The following CTNNA3 variants were observed in gnomAD, a reference collection of about 807,000 sequenced individuals.
CTNNA3 encodes catenin alpha 3, also known as catenin alpha-3.
A neutral mutation model predicts 95.7 loss-of-function variants in CTNNA3; 76 were observed. The ratio of observed to expected loss-of-function variants is 0.79; its 90% CI spans 0.66 to 0.96. CTNNA3 has a LOEUF of 0.96. Among genes scored for constraint, CTNNA3 ranks in the 40% least tolerant of loss-of-function variants. The pLI is 0.00. For missense variants in CTNNA3, 1,191 were observed against 1,089.8 expected, an observed-to-expected ratio of 1.09 and a Z score of -1.31; for synonymous variants, 431 against 374.4, an observed-to-expected ratio of 1.15 and a Z score of -1.74.
chr10:67,060,975 A>T (rs1040995677), intron 7 of CTNNA3, among the ~76,000 whole-genome samples: 2 of 152,302 alleles, frequency 1.3e-5, no homozygotes, highest in African/African-American at 4.8e-5. Flanking sequence ...AGGCATCCAG[A>T]AGTGACCTGT....
rs114775216 is a variant in CTNNA3 at position 66,407,947 on chromosome 10, C to T, written c.1532-28595G>A. ...TCTGTTCTAACGCATAAATTATAGT[C>T]CTTCCTGGTATCAATGCAGAGTTTG... is the stretch of plus-strand genomic sequence containing the variant. On this transcript the variant is annotated intron_variant, in intron 11 of 17. Coordinates refer to ENST00000433211, the MANE Select transcript of CTNNA3 (RefSeq NM_013266.4). 4.9e-3 allele frequency among the ~76,000 whole-genome samples: 753 copies of T among 152,268 alleles called. 5 individuals are homozygous for T. The highest frequency in any genetic ancestry group is 0.017 in the African/African-American group (716 of 41,556).
chr10:67,682,602 G>C (rs1352511745), intron 1 of CTNNA3, among the ~76,000 whole-genome samples: 1 of 152,120 alleles, frequency 6.6e-6, no homozygotes, highest in Non-Finnish European at 1.5e-5. Context: ...ACTTCTTGAA[G>C]AGAAATATGA....
chr10:67,059,127 G>T (rs1855610117), intron 7 of CTNNA3, among the ~76,000 whole-genome samples: 1 of 151,998 alleles, frequency 6.6e-6, no homozygotes, highest in Non-Finnish European at 1.5e-5. Flanking sequence ...AATTATCTTG[G>T]TCTCCATGCA....
intron 5 of CTNNA3, among the ~76,000 whole-genome samples, chr10:67,361,166 C>A (rs751850631): frequency 1.4e-4 from 21 of 152,052 alleles, no homozygotes; most frequent in Non-Finnish European, 2.6e-4. Flanking sequence ...CTTAGATAGT[C>A]ACATAATAGA....
chr10:67,604,214 T>TAA (rs1303368182), intron 3 of CTNNA3, among the ~76,000 whole-genome samples: 1 of 152,144 alleles, frequency 6.6e-6, no homozygotes, highest in African/African-American at 2.4e-5. Flanking sequence ...TCCCCATTGT[T>TAA]AAGTAAGGTA....
chr10:67,645,421 T>C (rs1839675057), intron 2 of CTNNA3, among the ~76,000 whole-genome samples: 1 of 152,184 alleles, frequency 6.6e-6, no homozygotes. Flanking sequence ...TAATGTTCCA[T>C]TGTTATAGAG....
At chr10:65,956,489 AT>A (rs1425097075) in intron 17 of CTNNA3, among the ~76,000 whole-genome samples, 1 of 152,058 alleles carries the variant, frequency 6.6e-6, no homozygotes, top group Non-Finnish European at 1.5e-5. Flanking sequence ...TAGGGTGTCA[AT>A]TTTAGATCTT....
chr10:66,240,942 A>G (rs10996997), intron 13 of CTNNA3, among the ~76,000 whole-genome samples: 32,218 of 152,044 alleles, frequency 0.21, 3,599 homozygotes, highest in South Asian at 0.29. Flanking sequence ...GGAGAAAATA[A>G]CAAGTTTTTA....
chr10:65,945,201 A>G (rs1176473458), intron 17 of CTNNA3, among the ~76,000 whole-genome samples: 1 of 152,042 alleles, frequency 6.6e-6, no homozygotes, highest in Non-Finnish European at 1.5e-5. Flanking sequence ...AGACATGAGC[A>G]TAAAAGTTAC....
chr10:66,196,675 T>A (rs2086977940), intron 13 of CTNNA3, among the ~76,000 whole-genome samples: 1 of 152,136 alleles, frequency 6.6e-6, no homozygotes, highest in Admixed American at 6.6e-5. Context: ...ACACTTTACA[T>A]GAGTAAAGTA....
chr10:65,924,655 C>G (rs2077139068), intron 17 of CTNNA3, among the ~76,000 whole-genome samples: 1 of 152,170 alleles, frequency 6.6e-6, no homozygotes. Flanking sequence ...ATCCATTTCC[C>G]TAACACTGAG....
intron 10 of CTNNA3, among the ~76,000 whole-genome samples, chr10:66,588,943 A>C (rs79448169): frequency 1.3e-5 from 1 of 75,148 alleles, no homozygotes; most frequent in South Asian, 4.1e-4. Flanking sequence ...ACATCAGTTA[A>C]AGTGCCTTTG....
chr10:66,762,675 G>GC (rs1839648488), intron 9 of CTNNA3, among the ~76,000 whole-genome samples: 1 of 151,564 alleles, frequency 6.6e-6, no homozygotes, highest in South Asian at 2.1e-4. Context: ...TTGTTTTTTT[G>GC]AATTCCCCAG....
chr10:66,909,243 G>T (rs1415732715), intron 7 of CTNNA3, among the ~76,000 whole-genome samples: 1 of 152,046 alleles, frequency 6.6e-6, no homozygotes, highest in Non-Finnish European at 1.5e-5. Flanking sequence ...AGCCGGGCGC[G>T]GTGGCTCATT....
chr10:67,539,751 A>G (rs1263723102), intron 3 of CTNNA3, 82 bp from the exon 4 acceptor site: 2 of 1,255,132 alleles, frequency 1.6e-6, no homozygotes, highest in East Asian at 4.7e-5. Flanking sequence ...CCTAATTCCA[A>G]GTAAATTCCA....
chr10:66,883,690 TG>T (rs1412202686), intron 7 of CTNNA3, among the ~76,000 whole-genome samples: 9 of 152,160 alleles, frequency 5.9e-5, no homozygotes, highest in African/African-American at 2.2e-4. Flanking sequence ...GGATATAAAA[TG>T]GCTGCCTGCT....
chr10:66,688,505 G>A (rs1847383948), intron 9 of CTNNA3, among the ~76,000 whole-genome samples: 2 of 152,066 alleles, frequency 1.3e-5, no homozygotes, highest in Non-Finnish European at 1.5e-5. Flanking sequence ...GTCAAAGAAC[G>A]AATGATGTCA....
At chr10:67,100,608 G>A (rs1040825894) in intron 7 of CTNNA3, among the ~76,000 whole-genome samples, 1 of 151,268 alleles carries the variant, frequency 6.6e-6, no homozygotes, top group Non-Finnish European at 1.5e-5. Flanking sequence ...ATTCCTCACC[G>A]ATTTAAACAA....
chr10:66,834,891 G>T (rs1453702471), intron 7 of CTNNA3, among the ~76,000 whole-genome samples: 1 of 152,140 alleles, frequency 6.6e-6, no homozygotes, highest in African/African-American at 2.4e-5. Flanking sequence ...GGTGCATTAA[G>T]TTATCCTATT....
Sources: gnomAD v4.1 joint callset for allele counts (sites outside exome capture counted in the v4.1 genomes callset) on GRCh38, gnomAD v4.1.1 for gene constraint, MANE v1.5 for transcripts, NCBI Gene and HGNC (gene_info 2026-07-23, HGNC 2026-07-21) for gene names.